The following AGBL1 variants were observed in gnomAD, a reference collection of about 807,000 sequenced individuals.
AGBL1 encodes the protein AGBL carboxypeptidase 1.
In AGBL1, 130 loss-of-function variants were observed where a neutral mutation model predicts 118.9. The ratio of observed to expected loss-of-function variants is 1.09; its 90% CI spans 0.95 to 1.26. AGBL1 has a LOEUF of 1.26. AGBL1 is among the 50% of genes most tolerant of loss of function. The probability of loss-of-function intolerance (pLI) is 0.00; values close to 1 mark genes in which losing one functional copy is unlikely to be tolerated. For missense variants in AGBL1, 1,584 were observed against 1,298.1 expected (o/e 1.22, Z -3.38); for synonymous variants, 555 against 478.9 (o/e 1.16, Z -2.08).
chr15:86,320,585 T>C, intron 17 of AGBL1, among the ~76,000 whole-genome samples: 1 of 152,150 alleles, frequency 6.6e-6, no homozygotes, highest in East Asian at 1.9e-4. Flanking sequence ...ATATTCTTTA[T>C]TTTCTCTTTT....
At chr15:86,449,253 T>C (rs1018745275) in intron 18 of AGBL1, among the ~76,000 whole-genome samples, 1 of 152,358 alleles carries the variant, frequency 6.6e-6, no homozygotes, top group African/African-American at 2.4e-5. Flanking sequence ...CCAGACACTA[T>C]GCTTAAGCAC....
At chr15:86,209,504 A>G (rs2078054753) in intron 5 of AGBL1, among the ~76,000 whole-genome samples, 2 of 152,234 alleles carry the variant, frequency 1.3e-5, no homozygotes, top group South Asian at 4.1e-4. Context: ...GTGCTCCTCT[A>G]TTGGGTGCAT....
chr15:86,986,150 C>T (rs1234241706), intron 23 of AGBL1, among the ~76,000 whole-genome samples: 1 of 152,176 alleles, frequency 6.6e-6, no homozygotes, highest in Non-Finnish European at 1.5e-5. Flanking sequence ...TCTCAAACTC[C>T]TGGCCTCAGG....
chr15:86,699,124 C>A (rs562904514), intron 22 of AGBL1, among the ~76,000 whole-genome samples: 3 of 151,764 alleles, frequency 2.0e-5, no homozygotes, highest in Admixed American at 6.6e-5. Context: ...TTAATGTTAA[C>A]CTTTTATCTT....
intron 21 of AGBL1, among the ~76,000 whole-genome samples, chr15:86,580,887 G>C (rs1244389295): frequency 6.6e-6 from 1 of 151,764 alleles, no homozygotes. Flanking sequence ...AAGCCTTCAT[G>C]CTTCTAATAT....
rs111822368 is a variant in AGBL1, at chr15:86,977,578, A to G, written c.3222-10409A>G. ...TATAATATTTGTCAAGTTTATTCCT[A>G]AGCATTACATTTCTGTTATTGCAAT... On this transcript the variant is annotated intron_variant, in intron 23 of 24. Transcript: ENST00000441037. 6.7e-3 allele frequency among the ~76,000 whole-genome samples: 1,020 copies of G among 151,994 alleles called. 9 individuals carry two copies. The highest frequency in any genetic ancestry group is 0.023 in the African/African-American group (975 of 41,522).
intron 17 of AGBL1, among the ~76,000 whole-genome samples, chr15:86,354,469 A>G (rs1168903218): frequency 6.6e-6 from 1 of 152,248 alleles, no homozygotes; most frequent in Non-Finnish European, 1.5e-5. Context: ...CCAGGGATTG[A>G]ATGGAGCTGA....
chr15:86,867,855 C>T (rs2141495072), intron 22 of AGBL1, among the ~76,000 whole-genome samples: 1 of 152,256 alleles, frequency 6.6e-6, no homozygotes, highest in Middle Eastern at 3.4e-3. Flanking sequence ...TCCTTAAATG[C>T]AAATTTCTAA....
downstream of AGBL1, among the ~76,000 whole-genome samples, chr15:86,917,961 G>A (rs1395159927): frequency 1.3e-5 from 2 of 152,124 alleles, no homozygotes; most frequent in Non-Finnish European, 2.9e-5. This position sits in a 1 kb window ranked among gnomAD's most constrained non-coding sequence, Gnocchi z 4.8. Context: ...TCTAGTAAAA[G>A]TCCATTACTC....
chr15:86,427,535 C>T (rs1596101807), intron 18 of AGBL1, among the ~76,000 whole-genome samples: 4 of 147,330 alleles, frequency 2.7e-5, no homozygotes, highest in Admixed American at 6.8e-5. Flanking sequence ...AAAATACATT[C>T]TTCAATTTTA....
rs148977303 is a variant in AGBL1 at position 86,182,772 on chromosome 15, C to G, written c.488+23746C>G. 9.2e-5 allele frequency among the ~76,000 whole-genome samples: 14 copies of G among 152,152 alleles called. 1 individual carries two copies. In the Middle Eastern group the frequency reaches 0.017, roughly 185 times the overall value. ...CTGGAGTTTGATATAGATCTCTCCTCAAATATTTTATAGGAGGATCTCTAA... is the reference window on the plus strand; with the variant it reads ...CTGGAGTTTGATATAGATCTCTCCTGAAATATTTTATAGGAGGATCTCTAA... On this transcript the variant is annotated intron_variant, in intron 5 of 22. Coordinates refer to ENST00000614907, the MANE Select transcript of AGBL1 (RefSeq NM_001386094.1).
intron 21 of AGBL1, among the ~76,000 whole-genome samples, chr15:86,567,167 A>G (rs921717629): frequency 2.6e-5 from 4 of 152,116 alleles, no homozygotes; most frequent in Non-Finnish European, 2.9e-5. Flanking sequence ...TTTTATTCCA[A>G]CCTTCCTAAT....
At chr15:86,521,492 T>C (rs1234815857) in intron 18 of AGBL1, among the ~76,000 whole-genome samples, 1 of 152,008 alleles carries the variant, frequency 6.6e-6, no homozygotes, top group Non-Finnish European at 1.5e-5. Context: ...TAAAAATCCA[T>C]CCAAAATGGT....
At chr15:86,875,849 G>T (rs1241239333) in intron 22 of AGBL1, among the ~76,000 whole-genome samples, 6 of 152,170 alleles carry the variant, frequency 3.9e-5, no homozygotes, top group Admixed American at 3.3e-4. Flanking sequence ...TAGACTAGGG[G>T]TCTAAGGCTG....
chr15:86,408,648 A>G (rs978518899), intron 18 of AGBL1, among the ~76,000 whole-genome samples: 2 of 152,306 alleles, frequency 1.3e-5, no homozygotes, highest in South Asian at 2.1e-4. Flanking sequence ...TTTTAGAAAA[A>G]TTTAAGAATT....
At chr15:86,953,211 G>C (rs1387739009) in intron 23 of AGBL1, among the ~76,000 whole-genome samples, 1 of 152,072 alleles carries the variant, frequency 6.6e-6, no homozygotes, top group African/African-American at 2.4e-5. Context: ...AATGACATTG[G>C]TAGTGTGATA....
chr15:86,769,544 A>G (rs2078143569), intron 22 of AGBL1, among the ~76,000 whole-genome samples: 1 of 151,972 alleles, frequency 6.6e-6, no homozygotes, highest in African/African-American at 2.4e-5. Context: ...ATCTTGTCCA[A>G]GAACTCTGGA....
At chr15:86,151,574 G>C (rs1178893953) in intron 3 of AGBL1, among the ~76,000 whole-genome samples, 1 of 152,162 alleles carries the variant, frequency 6.6e-6, no homozygotes, top group African/African-American at 2.4e-5. Context: ...ATATCATACT[G>C]AATGGGAAAA....
intron 22 of AGBL1, among the ~76,000 whole-genome samples, chr15:86,884,605 A>G (rs931998614): frequency 6.6e-6 from 1 of 152,232 alleles, no homozygotes; most frequent in Non-Finnish European, 1.5e-5. Context: ...TCAGTTCAGG[A>G]GTTGGAGACC....
Sources: gnomAD v4.1 joint callset for allele counts (sites outside exome capture counted in the v4.1 genomes callset) on GRCh38, gnomAD v4.1.1 for gene constraint, Gnocchi (gnomAD v3.1) non-coding constraint, MANE v1.5 for transcripts, NCBI Gene and HGNC (gene_info 2026-07-23, HGNC 2026-07-21) for gene names.